GALNT11: variants seen among roughly 807,000 people sequenced by gnomAD.
GALNT11 encodes the protein UDP-GalNAc:polypeptide N-acetylgalactosaminyltransferase 11.
GALNT11 carries 47 observed loss-of-function variants against 72.7 expected under a neutral mutation model. That is an observed-to-expected ratio of 0.65 (90% CI 0.51 to 0.82). The LOEUF is 0.82. GALNT11 is among the 40% of genes least tolerant of loss of function. The pLI is 0.00. For missense variants in GALNT11, 677 were observed against 778.4 expected (o/e 0.87, Z 1.55); for synonymous variants, 270 against 286.6 (o/e 0.94, Z 0.58).
chr7:152,078,012 G>C (rs982996607), intron 1 of GALNT11, among the ~76,000 whole-genome samples: 6 of 151,914 alleles, frequency 3.9e-5, no homozygotes, highest in Non-Finnish European at 8.8e-5. Flanking sequence ...GGAGGATTCA[G>C]TGGATTCAGC....
intron 4 of GALNT11, chr7:152,104,194 T>G (rs2087276049): frequency 6.6e-6 from 1 of 152,248 alleles, no homozygotes; most frequent in Non-Finnish European, 1.5e-5. Context: ...AAAAAGTAAT[T>G]TGCTCAGACC....
Position 152,029,626 on chromosome 7 carries a change from A to G in GALNT11, c.-39+3742A>G, listed in dbSNP as rs891213139. Among the ~76,000 whole-genome samples the G allele has an allele frequency of 2.6e-5, 4 of 152,336 alleles. No individual in the cohort carries two copies. In the South Asian group the frequency reaches 8.3e-4, roughly 32 times the overall value. ...ATAGATGGCTCCTTCCTGATTCTGT[A>G]AGTACTTTAAGGTTTGGCTGAGTGC... On this transcript the variant is annotated intron_variant, in intron 1 of 11. Coordinates refer to ENST00000430044, the MANE Select transcript of GALNT11 (RefSeq NM_022087.4).
intron 1 of GALNT11, among the ~76,000 whole-genome samples, chr7:152,062,781 A>G (rs1180251860): frequency 6.6e-6 from 1 of 152,184 alleles, no homozygotes; most frequent in African/African-American, 2.4e-5. Context: ...TGATTTTCAT[A>G]TGTTGAACCA....
intron 1 of GALNT11, among the ~76,000 whole-genome samples, chr7:152,091,297 A>G (rs1021555517): frequency 8.4e-5 from 12 of 142,400 alleles, no homozygotes; most frequent in African/African-American, 3.2e-4. Context: ...CTAGATTGCA[A>G]TGGCGCGATC....
At chr7:152,097,891 T>G (rs1473433713) in intron 2 of GALNT11, among the ~76,000 whole-genome samples, 1 of 152,226 alleles carries the variant, frequency 6.6e-6, no homozygotes, top group Admixed American at 6.5e-5. Context: ...TAGGGTTTTC[T>G]TCTGCGGTGC....
At chr7:152,060,075 A>G (rs1211958934) in intron 1 of GALNT11, among the ~76,000 whole-genome samples, 1 of 152,232 alleles carries the variant, frequency 6.6e-6, no homozygotes, top group Non-Finnish European at 1.5e-5. Flanking sequence ...CAGCTTCTCC[A>G]TCAGCACTTG....
chr7:152,074,462 T>A (rs1054060781), intron 1 of GALNT11: 3 of 152,244 alleles, frequency 2.0e-5, no homozygotes, highest in Non-Finnish European at 4.4e-5. Context: ...GTGGATTGAT[T>A]TCTGGGTTCT....
At chr7:152,107,134 C>A (rs1204221435) in intron 5 of GALNT11, 3 of 152,010 alleles carry the variant, frequency 2.0e-5, no homozygotes, top group African/African-American at 4.8e-5. Context: ...CATGTAAAAT[C>A]TTCATACATT....
intron 1 of GALNT11, among the ~76,000 whole-genome samples, chr7:152,034,122 C>T (rs754760803): frequency 1.1e-4 from 16 of 152,256 alleles, no homozygotes; most frequent in Middle Eastern, 3.4e-3. Context: ...GGGACATAAC[C>T]GATAGCCCAG....
intron 1 of GALNT11, among the ~76,000 whole-genome samples, chr7:152,061,371 T>TACAGATGAGTAGATTG (rs2084005484): frequency 2.0e-5 from 3 of 152,248 alleles, no homozygotes; most frequent in Admixed American, 2.0e-4. Context: ...ATTCTAGATA[T>TACAGATGAGTAGATTG]TAGCCCTTTG....
At chr7:152,029,460 A>C (rs543510882) in intron 1 of GALNT11, among the ~76,000 whole-genome samples, 1 of 152,310 alleles carries the variant, frequency 6.6e-6, no homozygotes, top group African/African-American at 2.4e-5. Context: ...TTTCCACAAG[A>C]TTAGAAGTTA....
intron 7 of GALNT11, among the ~76,000 whole-genome samples, chr7:152,112,660 T>G (rs1464322974): frequency 6.6e-6 from 1 of 152,130 alleles, no homozygotes. Flanking sequence ...AAGTTCAGTC[T>G]CTTTTTAGAT....
chr7:152,076,525 A>T (rs1400119631), intron 1 of GALNT11, among the ~76,000 whole-genome samples: 1 of 152,214 alleles, frequency 6.6e-6, no homozygotes, highest in Admixed American at 6.5e-5. Flanking sequence ...AGTGTAGCAT[A>T]CGTATGTCAG....
chr7:152,111,018 C>A (rs568952147), intron 7 of GALNT11, among the ~76,000 whole-genome samples: 1 of 152,100 alleles, frequency 6.6e-6, no homozygotes, highest in Admixed American at 6.5e-5. Flanking sequence ...ACAAATTGTC[C>A]TTAATGAATG....
rs952994524 is a variant in GALNT11 at position 152,094,413 on chromosome 7, C to T, written c.186C>T (p.Gly62=). ...AATTCTATCCCCGTTTCACTCGAGGCCCAAGTCGAGTGCTCGAGCCACAGT... is the reference window on the plus strand; with the variant it reads ...AATTCTATCCCCGTTTCACTCGAGGTCCAAGTCGAGTGCTCGAGCCACAGT... ...PKKFYPRFTR[G]PSRVLEPQFK... Residue 62 remains glycine (G), a synonymous_variant, in exon 2 of 12, where the codon GGC becomes GGT. Transcript: ENST00000430044. The surrounding 1 kb of genome is among the most constrained non-coding windows in gnomAD (Gnocchi z 4.3). 6.2e-7 allele frequency: 1 copy of T among 1,614,146 alleles called. No individual in the cohort carries two copies. Among genetic ancestry groups the T allele is most frequent in the Non-Finnish European group, 8.5e-7 (1 of 1,180,028 alleles).
chr7:152,055,819 C>T (rs1268435405), intron 1 of GALNT11, among the ~76,000 whole-genome samples: 1 of 151,912 alleles, frequency 6.6e-6, no homozygotes, highest in East Asian at 1.9e-4. Flanking sequence ...TAAAATAAAA[C>T]ATTTTGTTTT....
Position 152,069,977 on chromosome 7 carries a change from C to CT in GALNT11, c.-38-24207dup, listed in dbSNP as rs567631964. ...TTTTGCACTCATTGCTTTTTTCTTT[C>CT]TTTTTTCTTTTTTCTTTTTCTTTTT... On this transcript the variant is annotated intron_variant, in intron 1 of 11. Coordinates refer to ENST00000430044, the MANE Select transcript of GALNT11 (RefSeq NM_022087.4). Among the ~76,000 whole-genome samples the CT allele has an allele frequency of 2.0e-4, 30 of 148,430 alleles. No homozygotes were observed. In the South Asian group the frequency reaches 6.3e-3, roughly 31 times the overall value.
Position 152,121,833 on chromosome 7 carries a change from T to A in GALNT11, c.*156T>A, listed in dbSNP as rs1307343567. On this transcript the variant is annotated 3_prime_UTR_variant, in exon 12 of 12. Transcript: ENST00000430044. ...AGATGCCTGGGTGTGTTAGCAGAGGTGACACGTGTCTGACAGAGACGGGAG... is the reference window on the plus strand; with the variant it reads ...AGATGCCTGGGTGTGTTAGCAGAGGAGACACGTGTCTGACAGAGACGGGAG... 3.7e-5 allele frequency: 33 copies of A among 888,396 alleles called. No individual in the cohort carries two copies. Among genetic ancestry groups the A allele is most frequent in the Non-Finnish European group, 5.3e-5 (32 of 603,572 alleles). The allele number at this position is 888,396 out of a possible 1,614,324, so 55.0% of individuals were successfully genotyped here.
rs149090223 is a variant in GALNT11 at position 152,108,427 on chromosome 7, G to T, written c.962+140G>T. ...TTGTACGTTAAAAATTCTTGAGTAC[G>T]TATTGAATTTTATGCAGTCTGCCAA... On this transcript the variant is annotated intron_variant, in intron 6 of 11. Coordinates refer to ENST00000430044, the MANE Select transcript of GALNT11 (RefSeq NM_022087.4). 2.5e-4 allele frequency: 332 copies of T among 1,307,702 alleles called. 4 individuals carry two copies. In the East Asian group the frequency reaches 8.0e-3, roughly 31 times the overall value. The allele number at this position is 1,307,702 out of a possible 1,614,324, so 81.0% of individuals were successfully genotyped here.
Sources: allele counts gnomAD v4.1 joint callset (sites outside exome capture counted in the v4.1 genomes callset), GRCh38; gene constraint gnomAD v4.1.1; non-coding constraint Gnocchi (gnomAD v3.1); transcripts MANE v1.5; gene names NCBI Gene and HGNC (gene_info 2026-07-23, HGNC 2026-07-21).